Variants in ABCC2 observed in about 807,000 individuals in gnomAD.
ABCC2 encodes ATP-binding cassette sub-family C member 2.
In ABCC2, 157 loss-of-function variants were observed where a neutral mutation model predicts 173.4. The ratio of observed to expected loss-of-function variants is 0.91; its 90% CI spans 0.80 to 1.03. The LOEUF (loss-of-function observed/expected upper bound fraction) is 1.03, where lower values mean the gene tolerates loss of function less well. ABCC2 is among the 50% of genes least tolerant of loss of function. The pLI is 0.00. For synonymous variants in ABCC2, 657 were observed against 693.5 expected (o/e 0.95, Z 0.83); for missense variants, 1,822 against 1,852.3 (o/e 0.98, Z 0.30).
chr10:99,792,091 T>C (rs889922995), intron 2 of ABCC2, 143 bp from the exon 3 acceptor site: 107 of 1,030,920 alleles, frequency 1.0e-4, no homozygotes, highest in Non-Finnish European at 1.5e-4. Flanking sequence ...TTGAACTGTA[T>C]GTATCCATTC....
chr10:99,817,646 T>C (rs2038447018), intron 17 of ABCC2, among the ~76,000 whole-genome samples, 162 bp downstream of exon 17: 1 of 152,218 alleles, frequency 6.6e-6, no homozygotes, highest in African/African-American at 2.4e-5. Flanking sequence ...GTGGCCACAA[T>C]ATTCCATGTA....
chr10:99,814,973 T>G (rs2038380175), intron 16 of ABCC2, among the ~76,000 whole-genome samples: 1 of 144,558 alleles, frequency 6.9e-6, no homozygotes, highest in Non-Finnish European at 1.5e-5. Context: ...CCCACTAACT[T>G]TTTTTTTTTT....
In ABCC2 at chr10:99,794,452, T is replaced by C; in HGVS notation, c.616T>C (p.Tyr206His). The change falls in exon 6 of 32, where the codon TAC becomes CAC. Residue 206 changes from tyrosine to histidine, a missense_variant. Tyr to His is a moderately conservative substitution (Grantham distance 83, BLOSUM62 2). Coordinates refer to ENST00000647814, the MANE Select transcript of ABCC2 (RefSeq NM_000392.5). ...AGCTTCATTCCTGAGTAGCATTACC[T>C]ACAGCTGGTATGACAGGTAGGAAAG... The part of the protein sequence containing the change: ...SIASFLSSIT[Y>H]SWYDSIILKG... 6.2e-7 allele frequency: 1 copy of C among 1,613,892 alleles called. No homozygotes were observed. The highest frequency in any genetic ancestry group is 8.5e-7 in the Non-Finnish European group (1 of 1,179,782).
intron 16 of ABCC2, among the ~76,000 whole-genome samples, chr10:99,814,355 G>A (rs1346734809): frequency 7.9e-6 from 1 of 126,552 alleles, no homozygotes; most frequent in Non-Finnish European, 1.7e-5. Flanking sequence ...ACACACGTAT[G>A]TATACACACA....
chr10:99,848,994 G>A (rs1166753815), intron 30 of ABCC2, among the ~76,000 whole-genome samples: 1 of 152,182 alleles, frequency 6.6e-6, no homozygotes, highest in East Asian at 1.9e-4. Context: ...GGAGGCCGAG[G>A]CAGCCGGATC....
chr10:99,800,073 G>C, intron 8 of ABCC2, among the ~76,000 whole-genome samples: 1 of 152,198 alleles, frequency 6.6e-6, no homozygotes, highest in African/African-American at 2.4e-5. Context: ...GATGGCGTAT[G>C]CCTGTAGACC....
chr10:99,841,690 A>G (rs1012541452), intron 25 of ABCC2, among the ~76,000 whole-genome samples: 1 of 152,216 alleles, frequency 6.6e-6, no homozygotes, highest in African/African-American at 2.4e-5. Flanking sequence ...GCCCTAGGTG[A>G]TTCTTATGAT....
At chr10:99,836,435 A>G in intron 25 of ABCC2, 145 bp downstream of exon 25, 1 of 921,092 alleles carries the variant, frequency 1.1e-6, no homozygotes, top group Non-Finnish European at 1.7e-6. Flanking sequence ...GGAGAGAAGA[A>G]AGCATGAGCT....
chr10:99,844,037 G>T (rs968690104), intron 27 of ABCC2, 137 bp downstream of exon 27: 8 of 848,348 alleles, frequency 9.4e-6, no homozygotes, highest in Non-Finnish European at 1.6e-5. Context: ...CTAACTCAAA[G>T]GACCTAATTT....
At chr10:99,796,156 A>T (rs2037907788) in intron 6 of ABCC2, among the ~76,000 whole-genome samples, 1 of 152,164 alleles carries the variant, frequency 6.6e-6, no homozygotes, top group Non-Finnish European at 1.5e-5. Flanking sequence ...TGAGGTCAGG[A>T]GTTGGAGAAC....
At chr10:99,797,651 T>C (rs1437200863) in intron 7 of ABCC2, 1 of 350,264 alleles carries the variant, frequency 2.9e-6, no homozygotes, top group Non-Finnish European at 5.5e-6. Flanking sequence ...ATTCATTCAC[T>C]TGAAAATATT....
At chr10:99,793,167 G>C (rs1467883315) in intron 3 of ABCC2, among the ~76,000 whole-genome samples, 2 of 152,290 alleles carry the variant, frequency 1.3e-5, no homozygotes, top group East Asian at 3.9e-4. Flanking sequence ...AGAAAATCAA[G>C]CTACAGACAC....
At chr10:99,811,743 C>A in intron 15 of ABCC2, 141 bp downstream of exon 15, 1 of 988,776 alleles carries the variant, frequency 1.0e-6, no homozygotes, top group Non-Finnish European at 1.6e-6. Context: ...GGATAAACCC[C>A]TGGAGAGATG....
chr10:99,836,064 G>C, intron 24 of ABCC2, 27 bp from the exon 25 acceptor site: 1 of 1,611,358 alleles, frequency 6.2e-7, no homozygotes, highest in Non-Finnish European at 8.5e-7. Flanking sequence ...CTGCGGGACT[G>C]GCTGATTCTT....
chr10:99,793,908 T>C lies in ABCC2; in HGVS notation c.485T>C (p.Leu162Pro). ...RTLLQGDNSN[L>P]AYSCLFFISY... Reference sequence around the variant, plus strand: ...TCCTCATAGGGTGACAATTCTAATCTAGCCTACTCCTGCCTGTTCTTCATC... The same window carrying C: ...TCCTCATAGGGTGACAATTCTAATCCAGCCTACTCCTGCCTGTTCTTCATC... The change falls in exon 5 of 32, where the codon CTA becomes CCA. Residue 162 changes from leucine to proline, a missense_variant. Transcript: ENST00000647814. The C allele has an allele frequency of 6.2e-7, 1 of 1,613,832 alleles. No individual in the cohort carries two copies. The highest frequency in any genetic ancestry group is 8.5e-7 in the Non-Finnish European group (1 of 1,179,750).
At chr10:99,812,587 T>C (rs2038235051) in intron 15 of ABCC2, among the ~76,000 whole-genome samples, 1 of 152,116 alleles carries the variant, frequency 6.6e-6, no homozygotes, top group South Asian at 2.1e-4. Flanking sequence ...TCCAATCCCA[T>C]TAGTAAGAAA....
chr10:99,801,088 A>T (rs1380999517), intron 9 of ABCC2, among the ~76,000 whole-genome samples: 2 of 152,130 alleles, frequency 1.3e-5, no homozygotes, highest in Non-Finnish European at 1.5e-5. Context: ...GTGCTAACCT[A>T]AACCTCCTCT....
At chr10:99,817,599 T>A in intron 17 of ABCC2, 115 bp downstream of exon 17, 2 of 1,164,860 alleles carry the variant, frequency 1.7e-6, no homozygotes, top group Non-Finnish European at 2.5e-6. Context: ...GGTAGTCATA[T>A]TTGGAATAAA....
At chr10:99,817,200 A>T in intron 16 of ABCC2, 108 bp from the exon 17 acceptor site, 1 of 961,008 alleles carries the variant, frequency 1.0e-6, no homozygotes, top group Non-Finnish European at 1.6e-6. Flanking sequence ...ATGCACAGTT[A>T]TTTAAATTTA....
Sources: allele counts gnomAD v4.1 joint callset (sites outside exome capture counted in the v4.1 genomes callset), GRCh38; gene constraint gnomAD v4.1.1; transcripts MANE v1.5; gene names NCBI Gene and HGNC (gene_info 2026-07-23, HGNC 2026-07-21).